Variants in CNTN5 observed in about 807,000 individuals in gnomAD.
CNTN5 encodes the protein contactin-5.
Under a neutral mutation model 129.1 loss-of-function variants are expected in CNTN5, and 77 were observed. The observed-to-expected ratio is 0.60, with a 90% CI of 0.50 to 0.72. CNTN5 has a LOEUF of 0.72. Among genes scored for constraint, CNTN5 ranks in the 30% least tolerant of loss-of-function variants. The pLI, the probability that CNTN5 is intolerant of heterozygous loss-of-function variation, is 0.00. For missense variants in CNTN5, 1,478 were observed against 1,328.8 expected (o/e 1.11, Z -1.75); for synonymous variants, 509 against 465.6 (o/e 1.09, Z -1.20).
intron 21 of CNTN5, among the ~76,000 whole-genome samples, chr11:100,314,441 CAT>C (rs1196543623): frequency 6.6e-6 from 1 of 152,036 alleles, no homozygotes; most frequent in East Asian, 1.9e-4. Flanking sequence ...TTTCTGAAGT[CAT>C]GTACACAGAT....
Position 99,973,709 on chromosome 11 carries a change from A to G in CNTN5, c.877+16700A>G, listed in dbSNP as rs184887382. ...GATATTTTATTTCCATTATCCTGCA[A>G]GGATTCTGGATTTATTATTTTGTGA... On this transcript the variant is annotated intron_variant, in intron 8 of 24. Transcript: ENST00000524871. 1.0e-3 allele frequency among the ~76,000 whole-genome samples: 154 copies of G among 152,228 alleles called. 1 individual carries two copies. In the Middle Eastern group the frequency reaches 0.017, roughly 17 times the overall value.
At chr11:99,585,345 T>G (rs2135640823) in intron 3 of CNTN5, among the ~76,000 whole-genome samples, 1 of 152,258 alleles carries the variant, frequency 6.6e-6, no homozygotes, top group African/African-American at 2.4e-5. Flanking sequence ...CTTTAGCTGC[T>G]TCAAAAAGAA....
chr11:99,581,842 T>C (rs1949609204), intron 3 of CNTN5, among the ~76,000 whole-genome samples: 1 of 152,206 alleles, frequency 6.6e-6, no homozygotes, highest in African/African-American at 2.4e-5. Context: ...GTTATTATTG[T>C]TATATGTGAA....
At chr11:99,786,574 T>A (rs559138173) in intron 3 of CNTN5, among the ~76,000 whole-genome samples, 1 of 152,244 alleles carries the variant, frequency 6.6e-6, no homozygotes, top group Admixed American at 6.5e-5. Flanking sequence ...AGAACAAAGC[T>A]GGAGGCATTA....
chr11:99,719,039 G>A (rs1943079568), intron 3 of CNTN5, among the ~76,000 whole-genome samples: 1 of 152,026 alleles, frequency 6.6e-6, no homozygotes, highest in South Asian at 2.1e-4. Flanking sequence ...ATAACAGAGA[G>A]CGGGTGTGGT....
chr11:99,115,386 G>A (rs1164180940), intron 1 of CNTN5, among the ~76,000 whole-genome samples: 2 of 152,066 alleles, frequency 1.3e-5, no homozygotes, highest in East Asian at 3.8e-4. Flanking sequence ...CTTACATATA[G>A]TATACATTTT....
intron 3 of CNTN5, among the ~76,000 whole-genome samples, chr11:99,717,369 A>G (rs552709397): frequency 4.6e-5 from 7 of 152,092 alleles, no homozygotes; most frequent in Non-Finnish European, 8.8e-5. Context: ...AATTTTCAAA[A>G]GAGTTGTACC....
chr11:99,358,515 C>A (rs541053108), intron 2 of CNTN5, among the ~76,000 whole-genome samples: 5 of 151,144 alleles, frequency 3.3e-5, no homozygotes, highest in African/African-American at 9.7e-5. Context: ...CAGCCAAGAT[C>A]GCGCCACTGC....
chr11:99,054,679 C>CA (rs1038860281), intron 1 of CNTN5, among the ~76,000 whole-genome samples: 3 of 151,518 alleles, frequency 2.0e-5, no homozygotes, highest in East Asian at 2.0e-4. Context: ...GGAAATTTGA[C>CA]AAAAAAAGTA....
chr11:100,049,549 A>C (rs1942851374), intron 9 of CNTN5, among the ~76,000 whole-genome samples: 1 of 152,152 alleles, frequency 6.6e-6, no homozygotes, highest in African/African-American at 2.4e-5. Flanking sequence ...TTCACAAACT[A>C]AACCAAAGAA....
intron 9 of CNTN5, among the ~76,000 whole-genome samples, chr11:100,049,486 A>G (rs1047467245): frequency 6.6e-6 from 1 of 152,198 alleles, no homozygotes; most frequent in South Asian, 2.1e-4. Flanking sequence ...CAGAAAATGT[A>G]TATTATAATG....
chr11:100,142,665 CTGT>C (rs1255437572), intron 13 of CNTN5, among the ~76,000 whole-genome samples: 1 of 152,086 alleles, frequency 6.6e-6, no homozygotes, highest in Non-Finnish European at 1.5e-5. Flanking sequence ...TTTGCTGTTG[CTGT>C]TGTTAACAGC....
At chr11:99,318,879 T>G (rs1331286447) in intron 1 of CNTN5, among the ~76,000 whole-genome samples, 1 of 152,228 alleles carries the variant, frequency 6.6e-6, no homozygotes, top group African/African-American at 2.4e-5. Flanking sequence ...AATTAAAAGT[T>G]AAAGTTTTAA....
At chr11:100,230,596 A>G (rs1235404559) in intron 16 of CNTN5, among the ~76,000 whole-genome samples, 1 of 152,226 alleles carries the variant, frequency 6.6e-6, no homozygotes, top group East Asian at 1.9e-4. Flanking sequence ...GCATGCATGT[A>G]CATATATATC....
chr11:100,033,833 A>G (rs1338369219), intron 9 of CNTN5, among the ~76,000 whole-genome samples: 1 of 152,148 alleles, frequency 6.6e-6, no homozygotes, highest in Non-Finnish European at 1.5e-5. Context: ...TCCTGCTCCC[A>G]CAGGCAAGGT....
intron 6 of CNTN5, among the ~76,000 whole-genome samples, chr11:99,858,742 A>AC (rs1194668981): frequency 2.6e-5 from 4 of 151,526 alleles, no homozygotes; most frequent in Admixed American, 1.3e-4. Flanking sequence ...GAAATGAAAA[A>AC]AAAAGGCTTT....
chr11:100,198,564 G>A (rs1948703586), intron 15 of CNTN5, among the ~76,000 whole-genome samples: 1 of 151,880 alleles, frequency 6.6e-6, no homozygotes, highest in Admixed American at 6.6e-5. Flanking sequence ...CCTAAGGTGA[G>A]AAAAGATATT....
In CNTN5 at chr11:99,253,897, TTATATATA is replaced by T. The variant is rs67720359; in HGVS notation, c.-209-71429_-209-71422del. 1.9e-4 allele frequency among the ~76,000 whole-genome samples: 27 copies of T among 139,036 alleles called. 1 individual carries two copies. Among genetic ancestry groups the T allele is most frequent in the Middle Eastern group, 7.4e-3 (2 of 270 alleles). The allele number at this position is 139,036 out of a possible 152,430, so 91.2% of individuals were successfully genotyped here. On this transcript the variant is annotated intron_variant, in intron 1 of 24. Transcript: ENST00000524871. Reference sequence around the variant, plus strand: ...AAAATGTATTAACACAAATATACGTTTATATATATATATATATATATATATATTTGGTA... The same window carrying T: ...AAAATGTATTAACACAAATATACGTTTATATATATATATATATATTTGGTA...
At chr11:99,708,762 T>G (rs1431039763) in intron 3 of CNTN5, among the ~76,000 whole-genome samples, 2 of 151,714 alleles carry the variant, frequency 1.3e-5, no homozygotes, top group Non-Finnish European at 2.9e-5. Context: ...ACCAACATTC[T>G]TACACTCAAT....
Sources: gnomAD v4.1 joint callset for allele counts (sites outside exome capture counted in the v4.1 genomes callset) on GRCh38, gnomAD v4.1.1 for gene constraint, MANE v1.5 for transcripts, NCBI Gene and HGNC (gene_info 2026-07-23, HGNC 2026-07-21) for gene names.